The following RNF216 variants were observed in gnomAD, a reference collection of about 807,000 sequenced individuals.
RNF216 encodes ring finger protein 216.
A neutral mutation model predicts 110.8 loss-of-function variants in RNF216; 72 were observed. The ratio of observed to expected loss-of-function variants is 0.65; its 90% CI spans 0.54 to 0.79. The LOEUF is 0.79. RNF216 is among the 30% of genes least tolerant of loss of function. The pLI, the probability that RNF216 is intolerant of heterozygous loss-of-function variation, is 0.00. For missense variants in RNF216, 1,342 were observed against 1,141.2 expected, an observed-to-expected ratio of 1.18 and a Z score of -2.54; for synonymous variants, 495 against 407.5, an observed-to-expected ratio of 1.21 and a Z score of -2.59.
chr7:5,630,962 T>C (rs990022026), intron 15 of RNF216, among the ~76,000 whole-genome samples: 5 of 152,152 alleles, frequency 3.3e-5, no homozygotes, highest in Non-Finnish European at 1.5e-5. Context: ...CTGGCAAACC[T>C]GACTGGGGGC....
At chr7:5,747,745 T>TAAA (rs1562457376) in intron 3 of RNF216, among the ~76,000 whole-genome samples, 4 of 11,016 alleles carry the variant, frequency 3.6e-4, no homozygotes, top group African/African-American at 1.5e-3. Flanking sequence ...AGACTCCATC[T>TAAA]CAAAAAAAAA....
At chr7:5,687,420 A>C (rs908151511) in intron 13 of RNF216, among the ~76,000 whole-genome samples, 1 of 151,312 alleles carries the variant, frequency 6.6e-6, no homozygotes, top group East Asian at 1.9e-4. Flanking sequence ...AAAAAGAAAA[A>C]GAAAAGAAAA....
rs1791632875 is a variant in RNF216, at chr7:5,696,417, T to G, written c.2061+15344A>C. ...AAAAACTTGTGAAGGTTACATGGTT[T>G]CCTCCTTATGTAAAGCACCTGAGGA... On this transcript the variant is annotated intron_variant, in intron 13 of 16. Transcript: ENST00000389902. The surrounding 1 kb of genome is among the most constrained non-coding windows in gnomAD (Gnocchi z 5.4). Among the ~76,000 whole-genome samples the G allele has an allele frequency of 6.6e-6, 1 of 152,188 alleles. No homozygotes were observed. The highest frequency in any genetic ancestry group is 2.1e-4 in the South Asian group (1 of 4,830).
intron 3 of RNF216, among the ~76,000 whole-genome samples, chr7:5,750,577 A>T (rs1485047925): frequency 6.6e-6 from 1 of 152,240 alleles, no homozygotes; most frequent in East Asian, 1.9e-4. Context: ...TTAGTTCCTG[A>T]AGCCCTATAA....
intron 13 of RNF216, among the ~76,000 whole-genome samples, chr7:5,705,399 G>A (rs552878789): frequency 6.6e-6 from 1 of 152,252 alleles, no homozygotes; most frequent in African/African-American, 2.4e-5. Flanking sequence ...ACCTTCACAT[G>A]CAACATATCA....
At chr7:5,691,020 C>G (rs1257555803) in intron 13 of RNF216, among the ~76,000 whole-genome samples, 1 of 152,200 alleles carries the variant, frequency 6.6e-6, no homozygotes, top group Non-Finnish European at 1.5e-5. Context: ...CCCTGCAGCA[C>G]CTTTTCTGCC....
intron 3 of RNF216, among the ~76,000 whole-genome samples, chr7:5,752,561 A>G (rs1795387365): frequency 6.6e-6 from 1 of 152,268 alleles, no homozygotes; most frequent in South Asian, 2.1e-4. Flanking sequence ...TATGGAAAAT[A>G]TAAGGCCAAT....
At chr7:5,703,463 G>A (rs915745199) in intron 13 of RNF216, among the ~76,000 whole-genome samples, 7 of 152,250 alleles carry the variant, frequency 4.6e-5, no homozygotes, top group Non-Finnish European at 1.0e-4. Context: ...CAGCCATGCA[G>A]CTACTGTAGG....
chr7:5,630,945 G>A (rs1034586688), intron 15 of RNF216, among the ~76,000 whole-genome samples: 6 of 152,240 alleles, frequency 3.9e-5, no homozygotes, highest in Middle Eastern at 3.4e-3. Flanking sequence ...TTTCTGAATC[G>A]GAACTTCTGG....
intron 13 of RNF216, among the ~76,000 whole-genome samples, chr7:5,681,563 C>T (rs984311535): frequency 6.6e-6 from 1 of 152,196 alleles, no homozygotes; most frequent in Non-Finnish European, 1.5e-5. Context: ...ACAGTGTCTT[C>T]CTCCTCCTTG....
chr7:5,674,633 C>A (rs1790150169), intron 13 of RNF216, among the ~76,000 whole-genome samples: 1 of 147,714 alleles, frequency 6.8e-6, no homozygotes, highest in African/African-American at 2.5e-5. Flanking sequence ...CAAAACTAAA[C>A]AAAACAAAAC....
chr7:5,762,836 T>C (rs1276123190), intron 1 of RNF216, among the ~76,000 whole-genome samples: 1 of 152,234 alleles, frequency 6.6e-6, no homozygotes, highest in Non-Finnish European at 1.5e-5. Context: ...CTTTTTTCTT[T>C]CTTTTAAAGA....
At chr7:5,707,110 A>G in intron 13 of RNF216, among the ~76,000 whole-genome samples, 1 of 152,202 alleles carries the variant, frequency 6.6e-6, no homozygotes, top group South Asian at 2.1e-4. Flanking sequence ...ATTTCTGAGC[A>G]CTGTATTATG....
At chr7:5,649,367 G>A (rs189365137) in intron 14 of RNF216, among the ~76,000 whole-genome samples, 51 of 145,526 alleles carry the variant, frequency 3.5e-4, no homozygotes, top group Non-Finnish European at 6.6e-4. Flanking sequence ...GGTGACAGAC[G>A]GAGACTCCGT....
rs199935271 is a variant in RNF216, at chr7:5,621,174, T to G, written c.*1686A>C. On this transcript the variant is annotated 3_prime_UTR_variant, in exon 17 of 17. Coordinates refer to ENST00000389902, the MANE Select transcript of RNF216 (RefSeq NM_207111.4). ...GGCAGAAAGAATGGGTATCTTAGTT[T>G]TTTTTTTTTTTTTTTTAAAGATAGA... 1 of 123,560 alleles carries G rather than the reference T, an allele frequency of 8.1e-6. No homozygotes were observed. Among genetic ancestry groups the G allele is most frequent in the South Asian group, 2.3e-4 (1 of 4,272 alleles). 7.7% of individuals were successfully genotyped at this position (123,560 alleles called of 1,614,324 possible).
rs1477681033 is a variant in RNF216, at chr7:5,696,053, C to G, written c.2061+15708G>C. Among the ~76,000 whole-genome samples the G allele has an allele frequency of 6.6e-6, 1 of 152,134 alleles. No individual in the cohort carries two copies. The highest frequency in any genetic ancestry group is 2.4e-5 in the African/African-American group (1 of 41,418). ...GGCTGTGGCTCTCAGCACAACCCAG[C>G]ACGGCCTTGATCCCTGACTCCCAGG... is the stretch of plus-strand genomic sequence containing the variant. On this transcript the variant is annotated intron_variant, in intron 13 of 16. Coordinates refer to ENST00000389902, the MANE Select transcript of RNF216 (RefSeq NM_207111.4). This position sits in a 1 kb window ranked among gnomAD's most constrained non-coding sequence, Gnocchi z 5.4.
rs10693387 is a variant in RNF216, at chr7:5,668,224, CT to C, written c.2062-15715del. On this transcript the variant is annotated intron_variant, in intron 13 of 16. Transcript: ENST00000389902. ...TTCTCAGAGTAAATAGCAAAGCGGACTTTTTTTTTTTTTTTTGAGATGGAGT... is the reference window on the plus strand; with the variant it reads ...TTCTCAGAGTAAATAGCAAAGCGGACTTTTTTTTTTTTTTTGAGATGGAGT... 7.1e-3 allele frequency among the ~76,000 whole-genome samples: 998 copies of C among 139,728 alleles called. 5 individuals are homozygous for C. The highest frequency in any genetic ancestry group is 0.016 in the African/African-American group (605 of 37,646). 91.7% of individuals were successfully genotyped at this position (139,728 alleles called of 152,430 possible). A position where few individuals can be genotyped will look rare whatever the true frequency, so the allele number is the denominator to read the frequency against.
intron 3 of RNF216, among the ~76,000 whole-genome samples, chr7:5,745,469 C>T (rs1794981950): frequency 6.6e-6 from 1 of 151,848 alleles, no homozygotes; most frequent in Non-Finnish European, 1.5e-5. Flanking sequence ...GAGGAAGTAC[C>T]GTAATATAAT....
chr7:5,749,629 CCA>C (rs1451622750), intron 3 of RNF216, among the ~76,000 whole-genome samples: 2 of 152,160 alleles, frequency 1.3e-5, no homozygotes, highest in African/African-American at 2.4e-5. Flanking sequence ...GTCTTGCTGT[CCA>C]CAGTTATTTT....
Sources: allele counts gnomAD v4.1 joint callset (sites outside exome capture counted in the v4.1 genomes callset), GRCh38; gene constraint gnomAD v4.1.1; non-coding constraint Gnocchi (gnomAD v3.1); transcripts MANE v1.5; gene names NCBI Gene and HGNC (gene_info 2026-07-23, HGNC 2026-07-21).